Variants in RB1 observed in about 807,000 individuals in gnomAD.
The protein encoded by RB1 is RB transcriptional corepressor 1.
A neutral mutation model predicts 135.4 loss-of-function variants in RB1; 18 were observed. The observed-to-expected ratio is 0.13, with a 90% CI of 0.09 to 0.20. The LOEUF is 0.20. RB1 is among the 10% of genes least tolerant of loss of function. RB1 has a pLI of 1.00. For missense variants in RB1, 868 were observed against 1,110.0 expected (o/e 0.78, Z 3.10); for synonymous variants, 365 against 373.2 (o/e 0.98, Z 0.25).
In RB1 at chr13:48,412,319, A is replaced by G. The variant is rs372877264; in HGVS notation, c.1695+30876A>G. 4.3e-5 allele frequency: 70 copies of G among 1,613,104 alleles called. No homozygotes were observed. The African/African-American group carries it at 4.8e-4, about 11-fold the overall frequency. On this transcript the variant is annotated intron_variant, in intron 17 of 26. Coordinates refer to ENST00000267163, the MANE Select transcript of RB1 (RefSeq NM_000321.3). The stretch of plus-strand genomic sequence containing the variant: ...AGATGAAAATGTATATGGCAACACA[A>G]TTGGATATTAACCCAAGCACAAACA...
chr13:48,404,332 G>C (rs910893591), intron 17 of RB1: 1 of 152,134 alleles, frequency 6.6e-6, no homozygotes, highest in Admixed American at 6.5e-5. Flanking sequence ...TGTACTGGTA[G>C]GTTATGTAGT....
intron 17 of RB1, among the ~76,000 whole-genome samples, chr13:48,437,425 C>A (rs911967311): frequency 6.6e-5 from 10 of 152,164 alleles, no homozygotes; most frequent in Admixed American, 6.5e-4. Context: ...GAACAACTAA[C>A]ATTTATTATC....
chr13:48,359,953 G>T, intron 6 of RB1, 64 bp from the exon 7 acceptor site: 3 of 1,594,156 alleles, frequency 1.9e-6, no homozygotes, highest in Non-Finnish European at 2.6e-6. Context: ...TCTACCCTGC[G>T]ATTTTCTCTC....
At chr13:48,309,909 G>A (rs1163269576) in intron 2 of RB1, among the ~76,000 whole-genome samples, 1 of 151,934 alleles carries the variant, frequency 6.6e-6, no homozygotes, top group African/African-American at 2.4e-5. Context: ...TCCTGGCTTT[G>A]TCTCTACCTT....
chr13:48,405,968 C>A (rs1593473932), intron 17 of RB1, among the ~76,000 whole-genome samples: 1 of 152,012 alleles, frequency 6.6e-6, no homozygotes, highest in East Asian at 1.9e-4. Flanking sequence ...AGAGATATTT[C>A]TCATTATTAC....
chr13:48,438,966 G>C, intron 17 of RB1, among the ~76,000 whole-genome samples: 1 of 152,186 alleles, frequency 6.6e-6, no homozygotes, highest in East Asian at 1.9e-4. Flanking sequence ...GAATGGATCA[G>C]TGAATGAATG....
intron 17 of RB1, among the ~76,000 whole-genome samples, chr13:48,426,016 A>G (rs571183755): frequency 1.3e-5 from 2 of 152,328 alleles, no homozygotes; most frequent in South Asian, 4.1e-4. Context: ...TTGTATAATG[A>G]AAGAATACAA....
rs542528630 is a variant in RB1, at chr13:48,410,857, C to A, written c.1695+29414C>A. On this transcript the variant is annotated intron_variant, in intron 17 of 26. Coordinates refer to ENST00000267163, the MANE Select transcript of RB1 (RefSeq NM_000321.3). ...TCTTCCAACAATGTTAATATGTCAT[C>A]ATTTCTACAGAAGACTACGTTTTTA... 2.6e-5 allele frequency among the ~76,000 whole-genome samples: 4 copies of A among 152,232 alleles called. No individual in the cohort carries two copies. The South Asian group carries it at 8.3e-4, about 32-fold the overall frequency.
Position 48,386,300 on chromosome 13 carries a change from G to T in RB1, c.1695+4857G>T, listed in dbSNP as rs137952015. Among the ~76,000 whole-genome samples, 834 of 152,080 alleles carry T rather than the reference G, an allele frequency of 5.5e-3. 14 individuals carry two copies. Among genetic ancestry groups the T allele is most frequent in the African/African-American group, 0.019 (793 of 41,486 alleles). On this transcript the variant is annotated intron_variant, in intron 17 of 26. Transcript: ENST00000267163. ...GAGTGTGCTTACACAAACCTAGGTG[G>T]TATAGCCTGCTACACATCAGGGTAG...
intron 17 of RB1, among the ~76,000 whole-genome samples, chr13:48,395,565 C>T (rs198561): frequency 0.21 from 32,209 of 151,706 alleles, 3,575 homozygotes; most frequent in South Asian, 0.26. Flanking sequence ...AAACACAACA[C>T]GAGGACTTTG....
intron 17 of RB1, chr13:48,412,644 A>G (rs1052230715): frequency 1.7e-6 from 1 of 582,432 alleles, no homozygotes; most frequent in Non-Finnish European, 3.1e-6. Flanking sequence ...AAATATTTTC[A>G]TTTGTTAGTC....
Position 48,411,794 on chromosome 13 carries a change from A to G in RB1, c.1695+30351A>G, listed in dbSNP as rs781463895. 3.1e-6 allele frequency: 5 copies of G among 1,612,726 alleles called. No homozygotes were observed. In the South Asian group the frequency reaches 5.5e-5, roughly 18 times the overall value. Reference sequence around the variant, plus strand: ...TACTTAATGTAACAGGTTTGGTTAAAGTTTTTAGCACCATACTAGAACAAG... The same window carrying G: ...TACTTAATGTAACAGGTTTGGTTAAGGTTTTTAGCACCATACTAGAACAAG... On this transcript the variant is annotated intron_variant, in intron 17 of 26. Transcript: ENST00000267163.
At chr13:48,412,429 AG>A (rs1182119501) in intron 17 of RB1, 1 of 1,609,448 alleles carries the variant, frequency 6.2e-7, no homozygotes, top group South Asian at 1.1e-5. Flanking sequence ...ACCATCGTAA[AG>A]GCACGTCCAA....
intron 2 of RB1, among the ~76,000 whole-genome samples, chr13:48,338,012 C>T (rs1432086423): frequency 6.6e-6 from 1 of 152,240 alleles, no homozygotes; most frequent in Admixed American, 6.5e-5. Flanking sequence ...TTGGCCCCCA[C>T]TCTCTTCTGG....
chr13:48,432,092 G>A (rs984024626), intron 17 of RB1, among the ~76,000 whole-genome samples: 1 of 152,148 alleles, frequency 6.6e-6, no homozygotes, highest in Non-Finnish European at 1.5e-5. Flanking sequence ...GAGGAAAAAG[G>A]GGGTGGGCTT....
chr13:48,423,134 A>G (rs1010814459), intron 17 of RB1, among the ~76,000 whole-genome samples: 3 of 151,348 alleles, frequency 2.0e-5, no homozygotes, highest in Non-Finnish European at 1.5e-5. Flanking sequence ...GTTCTCAAAT[A>G]AATAAGTAAA....
At chr13:48,324,666 C>A (rs557984854) in intron 2 of RB1, among the ~76,000 whole-genome samples, 1 of 152,060 alleles carries the variant, frequency 6.6e-6, no homozygotes, top group Non-Finnish European at 1.5e-5. Flanking sequence ...ATGCAGCATT[C>A]AACATGGGAA....
At chr13:48,325,707 T>G (rs867920703) in intron 2 of RB1, among the ~76,000 whole-genome samples, 2 of 152,092 alleles carry the variant, frequency 1.3e-5, no homozygotes, top group East Asian at 3.8e-4. Context: ...TTTTATTTTT[T>G]GGGTATATCA....
chr13:48,387,575 G>A (rs1001244402), intron 17 of RB1, among the ~76,000 whole-genome samples: 2 of 151,966 alleles, frequency 1.3e-5, no homozygotes, highest in Non-Finnish European at 2.9e-5. Flanking sequence ...TGGCTAGAGA[G>A]TATGGTTTTT....
Sources: allele counts gnomAD v4.1 joint callset (sites outside exome capture counted in the v4.1 genomes callset), GRCh38; gene constraint gnomAD v4.1.1; transcripts MANE v1.5; gene names NCBI Gene and HGNC (gene_info 2026-07-23, HGNC 2026-07-21).